GCSAML: variants seen among roughly 807,000 people sequenced by gnomAD.
The protein encoded by GCSAML is germinal center associated signaling and motility like.
Under a neutral mutation model 13.0 loss-of-function variants are expected in GCSAML, and 9 were observed. That is an observed-to-expected ratio of 0.69 (90% CI 0.42 to 1.21). The LOEUF (loss-of-function observed/expected upper bound fraction) is 1.21, where lower values mean the gene tolerates loss of function less well. Ranked by LOEUF, GCSAML falls within the 50% of genes most tolerant of loss-of-function variation. The pLI is 0.00. For missense variants in GCSAML, 143 were observed against 153.4 expected, an observed-to-expected ratio of 0.93 and a Z score of 0.36; for synonymous variants, 37 against 52.9, an observed-to-expected ratio of 0.70 and a Z score of 1.31.
intron 4 of GCSAML, among the ~76,000 whole-genome samples, chr1:247,572,194 A>G (rs75495608): frequency 0.029 from 4,428 of 151,792 alleles, 86 homozygotes; most frequent in Middle Eastern, 0.065. Flanking sequence ...TCTGAAGCCC[A>G]CCTCTGTCAA....
At chr1:247,531,735 C>T (rs2103003123) in intron 2 of GCSAML, 3 of 1,614,208 alleles carry the variant, frequency 1.9e-6, no homozygotes, top group Admixed American at 1.7e-5. Flanking sequence ...GCTGGAGATA[C>T]ATGAAGATGA....
At chr1:247,567,873 C>G (rs1202955789) in intron 4 of GCSAML, among the ~76,000 whole-genome samples, 1 of 152,192 alleles carries the variant, frequency 6.6e-6, no homozygotes, top group Non-Finnish European at 1.5e-5. Context: ...ACCATTCTAA[C>G]TGGCATGAGA....
chr1:247,551,214 A>G (rs1438974703), intron 1 of GCSAML, among the ~76,000 whole-genome samples: 1 of 152,232 alleles, frequency 6.6e-6, no homozygotes, highest in Non-Finnish European at 1.5e-5. Flanking sequence ...GATAGCAGGA[A>G]GGAAGGACAT....
At chr1:247,517,537 A>C (rs1007877191) in intron 1 of GCSAML, among the ~76,000 whole-genome samples, 1 of 152,192 alleles carries the variant, frequency 6.6e-6, no homozygotes, top group African/African-American at 2.4e-5. Flanking sequence ...ATTCTGACAA[A>C]ATATTTTTTT....
chr1:247,548,947 T>C, upstream of GCSAML: 1 of 866,700 alleles, frequency 1.2e-6, no homozygotes, highest in Non-Finnish European at 1.7e-6. This position sits in a 1 kb window ranked among gnomAD's most constrained non-coding sequence, Gnocchi z 5.3. Flanking sequence ...CGTGTGTGTA[T>C]GAGTGTGTGT....
intron 4 of GCSAML, among the ~76,000 whole-genome samples, chr1:247,568,692 C>CT (rs1332152703): frequency 1.3e-5 from 2 of 151,984 alleles, no homozygotes; most frequent in African/African-American, 4.8e-5. Flanking sequence ...TTTAAAGAAG[C>CT]TTTTTTTCTA....
chr1:247,523,913 T>C (rs1371235352), intron 1 of GCSAML, among the ~76,000 whole-genome samples: 1 of 152,022 alleles, frequency 6.6e-6, no homozygotes, highest in African/African-American at 2.4e-5. Context: ...AAAGGTATAA[T>C]TTGAAGCAAA....
chr1:247,566,107 C>A (rs1323249363), intron 4 of GCSAML, 148 bp downstream of exon 4: 2 of 578,298 alleles, frequency 3.5e-6, no homozygotes, highest in East Asian at 3.3e-5. Flanking sequence ...AGAAATCATT[C>A]ATATTTTAAA....
At chr1:247,530,517 T>TC (rs58172930) in intron 2 of GCSAML, 26,097 of 134,024 alleles carry the variant, frequency 0.19, 3,383 homozygotes, top group East Asian at 0.5. Context: ...CACCATGCCA[T>TC]CCCCCCCCCA....
At chr1:247,533,174 A>T (rs951564180) in intron 2 of GCSAML, among the ~76,000 whole-genome samples, 1 of 152,048 alleles carries the variant, frequency 6.6e-6, no homozygotes, top group African/African-American at 2.4e-5. Context: ...ATCATTTATC[A>T]TCTGAATTTT....
intron 1 of GCSAML, chr1:247,519,289 G>A (rs1040632208): frequency 2.6e-5 from 4 of 152,246 alleles, no homozygotes; most frequent in Non-Finnish European, 4.4e-5. Flanking sequence ...GGGTTTTACA[G>A]GCAGATAATG....
At chr1:247,514,856 T>G (rs781483543) in intron 1 of GCSAML, among the ~76,000 whole-genome samples, 8 of 152,236 alleles carry the variant, frequency 5.3e-5, no homozygotes, top group Non-Finnish European at 8.8e-5. Context: ...GCTGTTTTGG[T>G]GACTACTGCC....
intron 1 of GCSAML, among the ~76,000 whole-genome samples, chr1:247,511,609 G>T (rs1229864823): frequency 6.6e-6 from 1 of 152,176 alleles, no homozygotes; most frequent in Non-Finnish European, 1.5e-5. Flanking sequence ...TTTCTTTATA[G>T]TGTCAACGGA....
intron 2 of GCSAML, chr1:247,531,297 A>G: frequency 2.0e-6 from 1 of 504,140 alleles, no homozygotes; most frequent in South Asian, 2.8e-5. Flanking sequence ...AGGAGTTTAC[A>G]AAACAAGATG....
chr1:247,536,249 A>G (rs1454563124), intron 2 of GCSAML: 1 of 152,208 alleles, frequency 6.6e-6, no homozygotes, highest in African/African-American at 2.4e-5. Context: ...AAAAAGACTG[A>G]TAACATTCAT....
rs374766537 is a variant in GCSAML, at chr1:247,531,558, C to T, written c.-148+4504C>T. On this transcript the variant is annotated intron_variant, in intron 2 of 5. Transcript: ENST00000366489. ...GAAGGCACTGGAGTCTCTAAATTTG[C>T]GCCAGCTTGCCTGCAGAGCCACAGC... The T allele has an allele frequency of 4.2e-5, 68 of 1,612,856 alleles. 5 individuals are homozygous for T. In the South Asian group the frequency reaches 6.4e-4, roughly 15 times the overall value.
At chr1:247,558,765 C>G (rs1668032140) in intron 2 of GCSAML, among the ~76,000 whole-genome samples, 1 of 152,128 alleles carries the variant, frequency 6.6e-6, no homozygotes, top group African/African-American at 2.4e-5. Context: ...AATATTTTAC[C>G]TGTATCCTAT....
At chr1:247,547,879 T>C (rs1274831849), upstream of GCSAML, among the ~76,000 whole-genome samples, 2 of 152,202 alleles carry the variant, frequency 1.3e-5, no homozygotes, top group Non-Finnish European at 2.9e-5. Context: ...AGCAGCACTT[T>C]GGTACATAGG....
chr1:247,521,348 C>A (rs1279999595), intron 1 of GCSAML, among the ~76,000 whole-genome samples: 1 of 102,882 alleles, frequency 9.7e-6, no homozygotes, highest in African/African-American at 3.4e-5. Context: ...TCTCCACGGT[C>A]TCCCTCTCCC....
Sources: gnomAD v4.1 joint callset for allele counts (sites outside exome capture counted in the v4.1 genomes callset) on GRCh38, gnomAD v4.1.1 for gene constraint, Gnocchi (gnomAD v3.1) non-coding constraint, MANE v1.5 for transcripts, NCBI Gene and HGNC (gene_info 2026-07-23, HGNC 2026-07-21) for gene names.